The following DCX variants were observed in gnomAD, a reference collection of about 807,000 sequenced individuals.
DCX encodes doublecortin.
DCX carries 4 observed loss-of-function variants against 20.9 expected under a neutral mutation model. The ratio of observed to expected loss-of-function variants is 0.19; its 90% CI spans 0.09 to 0.44. The LOEUF (loss-of-function observed/expected upper bound fraction) is 0.44. Ranked by LOEUF, DCX falls within the 20% of genes least tolerant of loss-of-function variation. DCX has a pLI of 0.99. For synonymous variants in DCX, 103 were observed against 111.4 expected (o/e 0.92, Z 0.47); for missense variants, 133 against 296.9 (o/e 0.45, Z 4.06).
chrX:111,325,903 A>G lies in DCX; in HGVS notation c.946+5001T>C, dbSNP rs1389839329. Among the ~76,000 whole-genome samples the G allele has an allele frequency of 2.1e-4, 23 of 111,853 alleles. No individual in the cohort carries two copies. In the Admixed American group the frequency reaches 2.1e-3, roughly 10 times the overall value. On this transcript the variant is annotated intron_variant, in intron 5 of 6. Coordinates refer to ENST00000636035, the MANE Select transcript of DCX (RefSeq NM_001195553.2). Reference sequence around the variant, plus strand: ...CATTTATGGCTCACATTCTATTTCTATTGAGCAGAGCTGGTCTAGACAGTC... The same window carrying G: ...CATTTATGGCTCACATTCTATTTCTGTTGAGCAGAGCTGGTCTAGACAGTC...
intron 3 of DCX, among the ~76,000 whole-genome samples, chrX:111,345,823 C>T (rs917339485): frequency 1.6e-4 from 18 of 112,031 alleles, no homozygotes; most frequent in African/African-American, 5.8e-4. Flanking sequence ...CGCCCTACTG[C>T]CTTCCACAAT....
At chrX:111,392,914 G>A (rs1240913924) in intron 3 of DCX, among the ~76,000 whole-genome samples, 1 of 111,143 alleles carries the variant, frequency 9.0e-6, no homozygotes, top group African/African-American at 3.3e-5. Context: ...ATAGGTCTGG[G>A]TGGGAACTCT....
At chrX:111,384,954 C>A (rs1926266223) in intron 3 of DCX, among the ~76,000 whole-genome samples, 1 of 112,738 alleles carries the variant, frequency 8.9e-6, no homozygotes, top group African/African-American at 3.2e-5. Context: ...GTTGTGGTTT[C>A]TCATAGATTA....
rs760480058 is a variant in DCX, at chrX:111,378,974, G to A, written c.705+22016C>T. Among the ~76,000 whole-genome samples, 144 of 111,379 alleles carry A rather than the reference G, an allele frequency of 1.3e-3. 1 individual carries two copies. The highest frequency in any genetic ancestry group is 4.6e-3 in the African/African-American group (140 of 30,727). On this transcript the variant is annotated intron_variant, in intron 3 of 6. Transcript: ENST00000636035. ...TGTGAGGACAGTCTTCCTCCCTTCT[G>A]GGAAATTCATCCCTCACCAGATAAG...
At chrX:111,410,878 G>A (rs1175774112) in intron 1 of DCX, 3 of 1,208,926 alleles carry the variant, frequency 2.5e-6, no homozygotes, top group East Asian at 5.9e-5. Flanking sequence ...AATTCCCCTT[G>A]AAGAGAACAG....
chrX:111,411,233 T>G (rs779462268), intron 1 of DCX: 1 of 345,285 alleles, frequency 2.9e-6, no homozygotes, highest in South Asian at 4.1e-5. Context: ...ACAAAATCCT[T>G]TTTTTTCCCC....
At position 111,296,055 on chromosome X, in the gene DCX, T is replaced by A. The variant is rs1362116725; in HGVS notation, c.*5632A>T. On this transcript the variant is annotated 3_prime_UTR_variant, in exon 7 of 7. Coordinates refer to ENST00000636035, the MANE Select transcript of DCX (RefSeq NM_001195553.2). ...AAGGAAAAAGTACAAATAAAGATAA[T>A]AAGAGGGAGAGACAGAATTGCACAG... 9.0e-6 allele frequency: 1 copy of A among 111,186 alleles called. No homozygotes were observed. The highest frequency in any genetic ancestry group is 2.8e-4 in the East Asian group (1 of 3,537). The allele number at this position is 111,186 out of a possible 1,213,427, so 9.2% of individuals were successfully genotyped here.
intron 3 of DCX, among the ~76,000 whole-genome samples, chrX:111,342,255 C>T (rs1466223690): frequency 2.2e-5 from 2 of 89,056 alleles, no homozygotes; most frequent in East Asian, 7.5e-4. Context: ...ACCAAACAGA[C>T]TTTAAACCAA....
chrX:111,350,675 A>G (rs1923231174), intron 3 of DCX, among the ~76,000 whole-genome samples: 1 of 112,169 alleles, frequency 8.9e-6, no homozygotes, highest in African/African-American at 3.2e-5. Flanking sequence ...TCTGACACAC[A>G]GTCAATTCCA....
chrX:111,391,522 G>A (rs1926952799), intron 3 of DCX, among the ~76,000 whole-genome samples: 1 of 111,158 alleles, frequency 9.0e-6, no homozygotes, highest in Non-Finnish European at 1.9e-5. Context: ...TGCTGTGTCT[G>A]CCCGGCACCT....
chrX:111,304,953 A>G lies in DCX; in HGVS notation c.1045-3210T>C, dbSNP rs759290059. On this transcript the variant is annotated intron_variant, in intron 6 of 6. Coordinates refer to ENST00000636035, the MANE Select transcript of DCX (RefSeq NM_001195553.2). ...CTGTGCAAGCGGCAAGAGAATGCTA[A>G]GATGGAGTTGTAAACTGCCTGGCAG... is the stretch of plus-strand genomic sequence containing the variant. Among the ~76,000 whole-genome samples the G allele has an allele frequency of 1.6e-4, 18 of 112,024 alleles. No individual in the cohort carries two copies. The South Asian group carries it at 6.4e-3, about 40-fold the overall frequency.
At position 111,331,061 on chromosome X, in the gene DCX, A is replaced by T. The variant is rs1039443695; in HGVS notation, c.809-20T>A. The T allele has an allele frequency of 8.3e-7, 1 of 1,207,457 alleles. No homozygotes were observed. The highest frequency in any genetic ancestry group is 1.1e-6 in the Non-Finnish European group (1 of 893,556). On this transcript the variant is annotated intron_variant, in intron 4 of 6. Coordinates refer to ENST00000636035, the MANE Select transcript of DCX (RefSeq NM_001195553.2). Reference sequence around the variant, plus strand: ...GGCATTCTGGGGCAAAAGGACACAGACAGCTTAGTAGAGGATAAAACAGGC... The same window carrying T: ...GGCATTCTGGGGCAAAAGGACACAGTCAGCTTAGTAGAGGATAAAACAGGC...
intron 2 of DCX, among the ~76,000 whole-genome samples, chrX:111,408,310 G>A (rs1385151549): frequency 9.0e-6 from 1 of 111,200 alleles, no homozygotes; most frequent in African/African-American, 3.3e-5. Context: ...CTGGGCATTG[G>A]TTTTCAAGGT....
rs745593388 is a variant in DCX at position 111,330,960 on chromosome X, C to T, written c.890G>A (p.Ser297Asn). The change falls in exon 5 of 7, where the codon AGC (serine) becomes AAC (asparagine). Residue 297 changes from serine (S) to asparagine (N), a missense_variant. Ser to Asn is a conservative substitution (Grantham distance 46). This residue lies in a region of DCX where 68 missense variants were observed against 84.3 expected (regional missense o/e 0.81). Coordinates refer to ENST00000636035, the MANE Select transcript of DCX (RefSeq NM_001195553.2). ...SPTPQKTSAK[S>N]PGPMRRSKSP... Reference sequence around the variant, plus strand: ...CTTGCTTCGGCGCATAGGACCAGGGCTCTTGGCTGAAGTCTTCTGAGGTGT... The same window carrying T: ...CTTGCTTCGGCGCATAGGACCAGGGTTCTTGGCTGAAGTCTTCTGAGGTGT... 4 of 1,212,118 alleles carry T rather than the reference C, an allele frequency of 3.3e-6. No individual in the cohort carries two copies. The South Asian group carries it at 7.0e-5, about 21-fold the overall frequency.
chrX:111,361,425 T>C (rs569922002), intron 3 of DCX, among the ~76,000 whole-genome samples: 8 of 112,294 alleles, frequency 7.1e-5, no homozygotes, highest in Admixed American at 5.7e-4. Flanking sequence ...CCATAAAGTT[T>C]ACTCTTTAGC....
intron 3 of DCX, among the ~76,000 whole-genome samples, chrX:111,372,302 C>T (rs1395033238): frequency 8.9e-6 from 1 of 111,953 alleles, no homozygotes; most frequent in Non-Finnish European, 1.9e-5. Context: ...GTGCTGCAGT[C>T]GCTCAAACAA....
At chrX:111,392,074 A>G (rs1388810172) in intron 3 of DCX, among the ~76,000 whole-genome samples, 1 of 111,846 alleles carries the variant, frequency 8.9e-6, no homozygotes, top group Non-Finnish European at 1.9e-5. Context: ...ATAGCTTCTT[A>G]GGATTTGTTC....
chrX:111,347,197 TATA>T (rs1190868269), intron 3 of DCX, among the ~76,000 whole-genome samples: 17 of 112,232 alleles, frequency 1.5e-4, no homozygotes, highest in Non-Finnish European at 7.5e-5. Context: ...GATATTGCAA[TATA>T]ATAAGGTTAT....
intron 3 of DCX, among the ~76,000 whole-genome samples, chrX:111,372,564 T>C (rs757202072): frequency 9.9e-5 from 11 of 111,566 alleles, no homozygotes; most frequent in Non-Finnish European, 1.7e-4. Context: ...CATGGAGCCA[T>C]CTTATTCCTC....
Sources: gnomAD v4.1 joint callset for allele counts (sites outside exome capture counted in the v4.1 genomes callset) on GRCh38, gnomAD v4.1.1 for gene constraint, gnomAD v4.1.1 regional missense constraint, MANE v1.5 for transcripts, NCBI Gene and HGNC (gene_info 2026-07-23, HGNC 2026-07-21) for gene names.